LAMB1: variants seen among roughly 807,000 people sequenced by gnomAD.
LAMB1 encodes laminin subunit beta-1.
Under a neutral mutation model 222.3 loss-of-function variants are expected in LAMB1, and 121 were observed. The ratio of observed to expected loss-of-function variants is 0.54; its 90% CI spans 0.47 to 0.63. The LOEUF (loss-of-function observed/expected upper bound fraction) is 0.63, where lower values mean the gene tolerates loss of function less well. Ranked by LOEUF, LAMB1 falls within the 30% of genes least tolerant of loss-of-function variation. The pLI is 0.00. For missense variants in LAMB1, 2,172 were observed against 2,240.8 expected (o/e 0.97, Z 0.62); for synonymous variants, 794 against 807.2 (o/e 0.98, Z 0.28).
At chr7:107,952,997 A>T (rs141616197) in intron 22 of LAMB1, among the ~76,000 whole-genome samples, 3 of 152,128 alleles carry the variant, frequency 2.0e-5, no homozygotes, top group Non-Finnish European at 2.9e-5. Context: ...CTTTCCTGTT[A>T]TCTCTCCCAG....
Position 108,001,744 on chromosome 7 carries a change from G to A in LAMB1, c.38-11C>T, listed in dbSNP as rs920112580. 2 of 1,612,100 alleles carry A rather than the reference G, an allele frequency of 1.2e-6. No individual in the cohort carries two copies. Among genetic ancestry groups the A allele is most frequent in the African/African-American group, 2.7e-5 (2 of 74,894 alleles). The stretch of plus-strand genomic sequence containing the variant: ...GGGCTCTGCACAGGGCTGCGGGAAG[G>A]ACAGGCAACAGAGTTGGGGGGACAC... On this transcript the variant is annotated splice_polypyrimidine_tract_variant and intron_variant, in intron 2 of 33. Coordinates refer to ENST00000222399, the MANE Select transcript of LAMB1 (RefSeq NM_002291.3).
chr7:107,988,546 A>G (rs1243328407), intron 5 of LAMB1, among the ~76,000 whole-genome samples: 1 of 152,248 alleles, frequency 6.6e-6, no homozygotes, highest in Non-Finnish European at 1.5e-5. Context: ...GAGTGGTGCC[A>G]GTACCCCTCA....
chr7:107,937,334 C>T lies in LAMB1; in HGVS notation c.3762-57G>A, dbSNP rs559494946. On this transcript the variant is annotated intron_variant, in intron 25 of 33. Coordinates refer to ENST00000222399, the MANE Select transcript of LAMB1 (RefSeq NM_002291.3). ...AAATAAACCCAAGGGAGAACTTTCA[C>T]GTTTCATATTTTCTACTAGTACTGT... 795 of 1,420,664 alleles carry T rather than the reference C, an allele frequency of 5.6e-4. 3 individuals carry two copies. The highest frequency in any genetic ancestry group is 5.8e-4 in the South Asian group (49 of 84,894). The allele number at this position is 1,420,664 out of a possible 1,614,324, so 88.0% of individuals were successfully genotyped here. A position where few individuals can be genotyped will look rare whatever the true frequency, so the allele number is the denominator to read the frequency against.
intron 2 of LAMB1, chr7:108,002,237 G>T: frequency 1.5e-6 from 2 of 1,331,286 alleles, no homozygotes; most frequent in Non-Finnish European, 9.9e-7. Flanking sequence ...GCACGCGCGA[G>T]GGTCACCGGC....
chr7:107,978,977 C>T (rs553273379), intron 8 of LAMB1, among the ~76,000 whole-genome samples: 64 of 152,312 alleles, frequency 4.2e-4, no homozygotes, highest in African/African-American at 1.5e-3. Flanking sequence ...AGACAGGTCC[C>T]TCCTGGACCC....
chr7:107,971,797 A>C (rs546026545), intron 13 of LAMB1, among the ~76,000 whole-genome samples: 1 of 152,220 alleles, frequency 6.6e-6, no homozygotes, highest in East Asian at 1.9e-4. Flanking sequence ...GAATAGAGAA[A>C]AAGAGGAAGG....
intron 13 of LAMB1, among the ~76,000 whole-genome samples, chr7:107,970,363 C>A (rs2033721550): frequency 6.6e-6 from 1 of 151,932 alleles, no homozygotes; most frequent in African/African-American, 2.4e-5. Context: ...TAGCTGGTGC[C>A]TGTAGTCCCA....
chr7:107,996,647 G>A (rs1368534573), intron 4 of LAMB1, among the ~76,000 whole-genome samples: 1 of 152,170 alleles, frequency 6.6e-6, no homozygotes, highest in Admixed American at 6.5e-5. Flanking sequence ...GAGAACTCAA[G>A]CCCCTCTACT....
intron 24 of LAMB1, among the ~76,000 whole-genome samples, chr7:107,946,592 G>A (rs1472721819): frequency 2.6e-5 from 4 of 152,262 alleles, no homozygotes; most frequent in Non-Finnish European, 2.9e-5. Flanking sequence ...GCCTCTGCCT[G>A]TGGTCTGCCC....
Position 107,951,257 on chromosome 7 carries a change from G to T in LAMB1, c.3360C>A (p.Leu1120=). Residue 1120 remains leucine, a synonymous_variant, in exon 24 of 34, where the codon CTC becomes CTA. Coordinates refer to ENST00000222399, the MANE Select transcript of LAMB1 (RefSeq NM_002291.3). ...GGRTCSECQE[L]FWGDPDVECR... is the part of the protein sequence containing the mutation. ...ACTCCACGTCGGGGTCTCCCCAGAA[G>T]AGTTCCTGGCACTCGCTGCAGGTGC... 1 of 1,614,204 alleles carries T rather than the reference G, an allele frequency of 6.2e-7. No homozygotes were observed. The highest frequency in any genetic ancestry group is 1.7e-5 in the Admixed American group (1 of 60,030).
intron 31 of LAMB1, among the ~76,000 whole-genome samples, chr7:107,927,572 C>T (rs2032595306): frequency 6.6e-6 from 1 of 152,176 alleles, no homozygotes; most frequent in Non-Finnish European, 1.5e-5. Context: ...CTCACCTCCA[C>T]CTCCCAAGTG....
In LAMB1 at chr7:107,968,718, AG is replaced by A. The variant is rs200540426; in HGVS notation, c.1563-4032del. On this transcript the variant is annotated intron_variant, in intron 13 of 33. Transcript: ENST00000222399. ...CCCTTAGATGACAGCCAGCAAAAGA[AG>A]GGGAACCTCAGCCTACGACTGCAAG... is the stretch of plus-strand genomic sequence containing the variant. 7.5e-3 allele frequency among the ~76,000 whole-genome samples: 1,143 copies of A among 152,306 alleles called. 22 individuals are homozygous for A. Among genetic ancestry groups the A allele is most frequent in the African/African-American group, 0.026 (1,076 of 41,570 alleles).
intron 11 of LAMB1, 44 bp from the exon 12 acceptor site, chr7:107,975,142 GTTT>G (rs2033825768): frequency 1.3e-6 from 2 of 1,545,036 alleles, no homozygotes; most frequent in Non-Finnish European, 1.8e-6. Context: ...GACCACGTGA[GTTT>G]CAAATAATAA....
At chr7:107,929,818 G>A (rs2032662526) in intron 29 of LAMB1, 199 bp from the exon 30 acceptor site, 3 of 596,780 alleles carry the variant, frequency 5.0e-6, no homozygotes, top group African/African-American at 3.7e-5. Flanking sequence ...AGTAACTGCA[G>A]ACAATTGAGT....
chr7:107,932,594 C>T, intron 27 of LAMB1: 1 of 590,752 alleles, frequency 1.7e-6, no homozygotes, highest in Non-Finnish European at 3.0e-6. Context: ...GTTTACAACT[C>T]ATCAATATCT....
intron 13 of LAMB1, among the ~76,000 whole-genome samples, chr7:107,971,673 T>C (rs150873740): frequency 1.3e-5 from 2 of 152,206 alleles, no homozygotes; most frequent in Non-Finnish European, 2.9e-5. Flanking sequence ...TAGACAATTT[T>C]GCTTCCCAAA....
At chr7:107,933,073 AC>A (rs762027869) in intron 27 of LAMB1, among the ~76,000 whole-genome samples, 1 of 152,030 alleles carries the variant, frequency 6.6e-6, no homozygotes. Flanking sequence ...CCAAATTACC[AC>A]CCCCGACTGC....
At chr7:107,949,881 T>C (rs1026238015) in intron 24 of LAMB1, among the ~76,000 whole-genome samples, 4 of 152,166 alleles carry the variant, frequency 2.6e-5, no homozygotes, top group Non-Finnish European at 5.9e-5. Context: ...AACTTGAAGA[T>C]CTGTATTATT....
chr7:107,996,146 C>T (rs1231293046), intron 4 of LAMB1, among the ~76,000 whole-genome samples: 1 of 152,148 alleles, frequency 6.6e-6, no homozygotes, highest in Admixed American at 6.5e-5. Context: ...TAAAAACCTA[C>T]AATATTTGTT....
Sources: allele counts gnomAD v4.1 joint callset (sites outside exome capture counted in the v4.1 genomes callset), GRCh38; gene constraint gnomAD v4.1.1; transcripts MANE v1.5; gene names NCBI Gene and HGNC (gene_info 2026-07-23, HGNC 2026-07-21).